ABHD17B: variants seen among roughly 807,000 people sequenced by gnomAD.
The protein encoded by ABHD17B is abhydrolase domain containing 17B, depalmitoylase, also known as alpha/beta hydrolase domain-containing protein 17B.
ABHD17B carries 9 observed loss-of-function variants against 26.2 expected under a neutral mutation model. The observed-to-expected ratio is 0.34, with a 90% CI of 0.21 to 0.60. The LOEUF is 0.60. Among genes scored for constraint, ABHD17B ranks in the 20% least tolerant of loss-of-function variants. ABHD17B has a pLI of 0.80. For missense variants in ABHD17B, 224 were observed against 352.1 expected, an observed-to-expected ratio of 0.64 and a Z score of 2.91; for synonymous variants, 127 against 122.3, an observed-to-expected ratio of 1.04 and a Z score of -0.25.
In ABHD17B at chr9:71,881,659, G is replaced by A. The variant is rs1017128974; in HGVS notation, c.-3-6576C>T. Among the ~76,000 whole-genome samples, 5 of 152,230 alleles carry A rather than the reference G, an allele frequency of 3.3e-5. 1 individual carries two copies. Among genetic ancestry groups the A allele is most frequent in the East Asian group, 1.9e-4 (1 of 5,174 alleles). On this transcript the variant is annotated intron_variant, in intron 1 of 3. Transcript: ENST00000333421. ...TCCCAGCACTTCGGAAGGCCGAGGC[G>A]GACGGATCATGAGGTCAGGAGATCG...
Position 71,885,502 on chromosome 9 carries a change from T to C in ABHD17B, c.-3-10419A>G, listed in dbSNP as rs930745832. On this transcript the variant is annotated intron_variant, in intron 1 of 3. Transcript: ENST00000333421. ...GGGGGTCACCTCAATGTTAAACAGA[T>C]GGCCCATTGTGAAAATTAAGGTTTT... 2.7e-4 allele frequency among the ~76,000 whole-genome samples: 40 copies of C among 149,830 alleles called. 1 individual carries two copies. The highest frequency in any genetic ancestry group is 9.8e-4 in the African/African-American group (40 of 40,924).
intron 3 of ABHD17B, among the ~76,000 whole-genome samples, chr9:71,869,076 G>A (rs1318144962): frequency 6.6e-6 from 1 of 152,206 alleles, no homozygotes; most frequent in African/African-American, 2.4e-5. Context: ...CAACAACACT[G>A]ATATGGGGAT....
rs57767774 is a variant in ABHD17B, at chr9:71,865,716, C to G, written c.*1071G>C. 1 of 608,400 alleles carries G rather than the reference C, an allele frequency of 1.6e-6. No homozygotes were observed. The highest frequency in any genetic ancestry group is 2.1e-6 in the Non-Finnish European group (1 of 486,292). The allele number at this position is 608,400 out of a possible 1,614,324, so 37.7% of individuals were successfully genotyped here. On this transcript the variant is annotated 3_prime_UTR_variant, in exon 4 of 4. Coordinates refer to ENST00000333421, the MANE Select transcript of ABHD17B (RefSeq NM_001025780.3). ...TCTCTACTAAAAATACAAAAATTAG[C>G]CAGGCGTGGTGGCAAGCATCTGTAA...
Position 71,866,555 on chromosome 9 carries a change from A to G in ABHD17B, c.*232T>C, listed in dbSNP as rs968583065. Reference sequence around the variant, plus strand: ...TACAGTACTCATCTTGATGTTAAAAAAAAATTCACAGAAAAAATATAAATT... The same window carrying G: ...TACAGTACTCATCTTGATGTTAAAAGAAAATTCACAGAAAAAATATAAATT... On this transcript the variant is annotated 3_prime_UTR_variant, in exon 4 of 4. Coordinates refer to ENST00000333421, the MANE Select transcript of ABHD17B (RefSeq NM_001025780.3). 8.3e-5 allele frequency: 111 copies of G among 1,329,930 alleles called. No homozygotes were observed. In the African/African-American group the frequency reaches 1.5e-3, roughly 17 times the overall value. 82.4% of individuals were successfully genotyped at this position (1,329,930 alleles called of 1,614,324 possible).
chr9:71,896,858 C>CT (rs748809036), intron 1 of ABHD17B, among the ~76,000 whole-genome samples: 87 of 152,162 alleles, frequency 5.7e-4, no homozygotes, highest in Admixed American at 1.5e-3. Flanking sequence ...AAAAAAGATC[C>CT]TTTTTTCTGA....
chr9:71,862,607 C>A (rs148748134), downstream of ABHD17B: 2 of 1,264,924 alleles, frequency 1.6e-6, no homozygotes, highest in Non-Finnish European at 2.3e-6. Flanking sequence ...TGTTTCTGCA[C>A]CTGTAAAATA....
chr9:71,896,352 A>G (rs1301539585), intron 1 of ABHD17B, among the ~76,000 whole-genome samples: 1 of 152,200 alleles, frequency 6.6e-6, no homozygotes, highest in Non-Finnish European at 1.5e-5. Flanking sequence ...ATGTAGTAGC[A>G]GACTTCTTAT....
At chr9:71,869,193 C>A (rs1826042274) in intron 3 of ABHD17B, among the ~76,000 whole-genome samples, 1 of 152,106 alleles carries the variant, frequency 6.6e-6, no homozygotes, top group Non-Finnish European at 1.5e-5. Context: ...AAATAAAAAC[C>A]CAAACATGCC....
intron 1 of ABHD17B, among the ~76,000 whole-genome samples, chr9:71,906,876 A>G (rs182762121): frequency 3.5e-3 from 536 of 152,258 alleles, no homozygotes; most frequent in African/African-American, 0.012. Flanking sequence ...TGCATTTCCA[A>G]CAAGCTCCCA....
rs763615661 is a variant in ABHD17B at position 71,910,534 on chromosome 9, C to T, written c.-4+100G>A. ...AAAGACGCTTCCCGCTCCCCTCCCCCCGCCGGCCCGGGCTCGTCCCTCCCG... is the reference window on the plus strand; with the variant it reads ...AAAGACGCTTCCCGCTCCCCTCCCCTCGCCGGCCCGGGCTCGTCCCTCCCG... On this transcript the variant is annotated intron_variant, in intron 1 of 3. Transcript: ENST00000333421. The T allele has an allele frequency of 5.2e-5, 8 of 152,450 alleles. No homozygotes were observed. The South Asian group carries it at 6.2e-4, about 12-fold the overall frequency. 9.4% of individuals were successfully genotyped at this position (152,450 alleles called of 1,614,324 possible). A position where few individuals can be genotyped will look rare whatever the true frequency, so the allele number is the denominator to read the frequency against.
chr9:71,883,363 T>C (rs1441896383), intron 1 of ABHD17B, among the ~76,000 whole-genome samples: 1 of 152,102 alleles, frequency 6.6e-6, no homozygotes, highest in African/African-American at 2.4e-5. Context: ...CAGAAACAAA[T>C]AGACCTAGTA....
chr9:71,882,654 T>C (rs557023360), intron 1 of ABHD17B, among the ~76,000 whole-genome samples: 32 of 149,650 alleles, frequency 2.1e-4, no homozygotes, highest in South Asian at 1.0e-3. Context: ...TGAGATTCCA[T>C]TTCAAAAAAA....
intron 1 of ABHD17B, among the ~76,000 whole-genome samples, chr9:71,900,560 T>C (rs1242536830): frequency 6.8e-6 from 1 of 146,168 alleles, no homozygotes; most frequent in Non-Finnish European, 1.5e-5. Context: ...GCTGAGGTGG[T>C]AGAATCGCTT....
At chr9:71,871,548 C>T (rs529059330) in intron 2 of ABHD17B, among the ~76,000 whole-genome samples, 1 of 152,170 alleles carries the variant, frequency 6.6e-6, no homozygotes, top group African/African-American at 2.4e-5. Flanking sequence ...TTGCTGTCAG[C>T]TGAATATCAG....
intron 1 of ABHD17B, among the ~76,000 whole-genome samples, chr9:71,887,667 C>G (rs1257557953): frequency 6.6e-6 from 1 of 152,166 alleles, no homozygotes; most frequent in Non-Finnish European, 1.5e-5. Context: ...CCTTTGAAAC[C>G]CAGACAATCC....
At chr9:71,900,761 C>T (rs1020726050) in intron 1 of ABHD17B, among the ~76,000 whole-genome samples, 1 of 151,952 alleles carries the variant, frequency 6.6e-6, no homozygotes, top group East Asian at 1.9e-4. Context: ...ATCCCCCCCT[C>T]ATCACTATAG....
At chr9:71,894,952 G>A (rs1317052876) in intron 1 of ABHD17B, among the ~76,000 whole-genome samples, 2 of 152,096 alleles carry the variant, frequency 1.3e-5, no homozygotes, top group African/African-American at 4.8e-5. Flanking sequence ...CCTCCCCACT[G>A]CACATACTTA....
chr9:71,899,323 T>C (rs1203628873), intron 1 of ABHD17B, among the ~76,000 whole-genome samples: 1 of 152,180 alleles, frequency 6.6e-6, no homozygotes, highest in Non-Finnish European at 1.5e-5. Flanking sequence ...TGTAAAAACA[T>C]TGAGGCAAAT....
At chr9:71,862,680 C>A, downstream of ABHD17B, 1 of 695,526 alleles carries the variant, frequency 1.4e-6, no homozygotes, top group Non-Finnish European at 2.5e-6. Flanking sequence ...CTTTCCATAA[C>A]TGTTTATGAA....
Sources: allele counts gnomAD v4.1 joint callset (sites outside exome capture counted in the v4.1 genomes callset), GRCh38; gene constraint gnomAD v4.1.1; transcripts MANE v1.5; gene names NCBI Gene and HGNC (gene_info 2026-07-23, HGNC 2026-07-21).